TPR: variants seen among roughly 807,000 people sequenced by gnomAD.
TPR encodes the protein nucleoprotein TPR.
Under a neutral mutation model 316.1 loss-of-function variants are expected in TPR, and 51 were observed. The observed-to-expected ratio is 0.16, with a 90% confidence interval of 0.13 to 0.20. The LOEUF is 0.20. TPR is among the 10% of genes least tolerant of loss of function. The pLI is 1.00. For synonymous variants in TPR, 981 were observed against 914.7 expected (o/e 1.07, Z -1.31); for missense variants, 2,272 against 2,754.8 (o/e 0.82, Z 3.92).
At chr1:186,366,796 A>T (rs1571639520) in intron 4 of TPR, among the ~76,000 whole-genome samples, 1 of 152,054 alleles carries the variant, frequency 6.6e-6, no homozygotes, top group Non-Finnish European at 1.5e-5. Context: ...GCTAAAAAGC[A>T]CTAATATAAA....
At chr1:186,340,589 G>A (rs943090153) in intron 29 of TPR, among the ~76,000 whole-genome samples, 6 of 151,676 alleles carry the variant, frequency 4.0e-5, no homozygotes, top group African/African-American at 9.7e-5. Flanking sequence ...GTACCACCAC[G>A]CCCAGCTAAT....
At chr1:186,324,465 TAC>T (rs1657858909) in intron 42 of TPR, among the ~76,000 whole-genome samples, 1 of 152,162 alleles carries the variant, frequency 6.6e-6, no homozygotes, top group South Asian at 2.1e-4. Context: ...TTCTTCTACA[TAC>T]ACTGTAGCAA....
At position 186,356,379 on chromosome 1, in the gene TPR, G is replaced by A. The variant is rs754755566; in HGVS notation, c.1795C>T (p.His599Tyr). Residue 599 changes from histidine (H) to tyrosine (Y), a missense_variant, in exon 15 of 51, where the codon CAT (histidine) becomes TAT (tyrosine). Physicochemically the swap from His to Tyr is moderately conservative, Grantham distance 83 (BLOSUM62 2). Coordinates refer to ENST00000367478, the MANE Select transcript of TPR (RefSeq NM_003292.3). ...ATGGAATCAACAAGCTGCATTTGAT[G>A]CTGTCGTGATTTGCGGAGTTGTTCT... The part of the protein sequence containing the change: ...ELEQLRKSRQ[H>Y]QMQLVDSIVR... The A allele has an allele frequency of 3.1e-6, 5 of 1,613,904 alleles. No individual in the cohort carries two copies. In the South Asian group the frequency reaches 4.4e-5, roughly 14 times the overall value.
chr1:186,354,298 T>G lies in TPR; in HGVS notation c.2172-448A>C, dbSNP rs115005558. 7.5e-3 allele frequency among the ~76,000 whole-genome samples: 1,139 copies of G among 152,308 alleles called. 19 individuals carry two copies. The highest frequency in any genetic ancestry group is 0.025 in the African/African-American group (1,034 of 41,566). On this transcript the variant is annotated intron_variant, in intron 17 of 50. Transcript: ENST00000367478. Reference sequence around the variant, plus strand: ...CTAAGTAACTTTTTAATCTTATTTTTAAAAAATCAATTATATTTAAAGTAA... The same window carrying G: ...CTAAGTAACTTTTTAATCTTATTTTGAAAAAATCAATTATATTTAAAGTAA...
At chr1:186,329,204 CAGA>C (rs1007853487) in intron 39 of TPR, among the ~76,000 whole-genome samples, 2 of 152,072 alleles carry the variant, frequency 1.3e-5, no homozygotes, top group African/African-American at 4.8e-5. Flanking sequence ...AAAGCTTTTG[CAGA>C]AGATTTCAGT....
chr1:186,370,107 C>A (rs1558041774), intron 3 of TPR, among the ~76,000 whole-genome samples: 1 of 152,098 alleles, frequency 6.6e-6, no homozygotes, highest in Non-Finnish European at 1.5e-5. Context: ...ATTTTAATAA[C>A]CATAGCTTTA....
Position 186,312,943 on chromosome 1 carries a change from A to T in TPR, c.*1028T>A. ...CCAAGGAGGTGATATCATTTGTGAA[A>T]ACATGAAGATAAAGTAAAAATGCTG... is the stretch of plus-strand genomic sequence containing the variant. On this transcript the variant is annotated 3_prime_UTR_variant, in exon 51 of 51. Transcript: ENST00000367478. The T allele has an allele frequency of 6.4e-7, 1 of 1,567,412 alleles. No homozygotes were observed. The highest frequency in any genetic ancestry group is 8.8e-7 in the Non-Finnish European group (1 of 1,138,146).
chr1:186,371,170 T>C, intron 2 of TPR, 127 bp from the exon 3 acceptor site: 1 of 707,268 alleles, frequency 1.4e-6, no homozygotes, highest in Non-Finnish European at 2.3e-6. Flanking sequence ...GACTGCATTG[T>C]ACATCACATT....
intron 48 of TPR, 93 bp downstream of exon 48, chr1:186,318,352 AAC>A (rs1254146332): frequency 3.4e-6 from 5 of 1,482,002 alleles, no homozygotes; most frequent in Admixed American, 2.3e-5. Flanking sequence ...AAAAAAACAA[AAC>A]ACAACTTTGC....
chr1:186,340,561 A>T (rs1260369938), intron 29 of TPR, among the ~76,000 whole-genome samples: 1 of 151,944 alleles, frequency 6.6e-6, no homozygotes, highest in Non-Finnish European at 1.5e-5. Flanking sequence ...CCTCCCAAGT[A>T]GATGGGACTA....
At position 186,374,994 on chromosome 1, in the gene TPR, G is replaced by C. The variant is rs74316457; in HGVS notation, c.35C>G (p.Thr12Arg). Residue 12 changes from threonine to arginine, a missense_variant, in exon 1 of 51, where the codon ACG (threonine) becomes AGG (arginine). This residue lies in a region of TPR where 549 missense variants were observed against 598.6 expected (regional missense o/e 0.92). Coordinates refer to ENST00000367478, the MANE Select transcript of TPR (RefSeq NM_003292.3). ...AGACTTGGGCAGCTTGTTCAGCTCC[G>C]TGCGCTCCAGGACTTGCTGCAACAC... is the stretch of plus-strand genomic sequence containing the variant. ...AAVLQQVLER[T>R]ELNKLPKSVQ... 6.2e-7 allele frequency: 1 copy of C among 1,614,106 alleles called. No homozygotes were observed.
intron 45 of TPR, 42 bp downstream of exon 45, chr1:186,322,276 G>A: frequency 6.5e-7 from 1 of 1,537,298 alleles, no homozygotes; most frequent in Non-Finnish European, 8.8e-7. Context: ...AAGACTAAAA[G>A]TTTGATTAGT....
At chr1:186,340,290 G>A (rs1418941787) in intron 29 of TPR, among the ~76,000 whole-genome samples, 1 of 152,112 alleles carries the variant, frequency 6.6e-6, no homozygotes, top group Non-Finnish European at 1.5e-5. Context: ...TACATGCAAG[G>A]CAGATTTCTA....
At chr1:186,364,593 G>C (rs1220301468) in intron 4 of TPR, among the ~76,000 whole-genome samples, 1 of 152,154 alleles carries the variant, frequency 6.6e-6, no homozygotes, top group Non-Finnish European at 1.5e-5. Context: ...AAAGCAAAAG[G>C]AAGGTGACAG....
intron 9 of TPR, 56 bp downstream of exon 9, chr1:186,361,566 A>AG: frequency 6.7e-7 from 1 of 1,502,030 alleles, no homozygotes; most frequent in East Asian, 2.3e-5. Context: ...ACAAGGGTAA[A>AG]AAAAAAAAAA....
At chr1:186,361,511 T>C (rs10494586) in intron 9 of TPR, 111 bp downstream of exon 9, 583,426 of 982,376 alleles carry the variant, frequency 0.59, 175,103 homozygotes, top group East Asian at 0.67. Flanking sequence ...TACCTAATTC[T>C]GTCCCAAATA....
chr1:186,335,863 T>C (rs987907534), intron 33 of TPR, among the ~76,000 whole-genome samples: 4 of 152,156 alleles, frequency 2.6e-5, no homozygotes, highest in African/African-American at 9.7e-5. Context: ...TTGCAAAATT[T>C]TTATTTCATA....
chr1:186,370,898 TAAAC>T, intron 3 of TPR, 68 bp downstream of exon 3: 2 of 1,338,350 alleles, frequency 1.5e-6, no homozygotes, highest in Non-Finnish European at 2.1e-6. Context: ...TAATAACTGA[TAAAC>T]AATCAGAATA....
intron 39 of TPR, among the ~76,000 whole-genome samples, chr1:186,328,553 GA>G (rs938972163): frequency 6.8e-6 from 1 of 146,578 alleles, no homozygotes. Context: ...AGTCAGAAAA[GA>G]AAAAAAAAAT....
Sources: gnomAD v4.1 joint callset for allele counts (sites outside exome capture counted in the v4.1 genomes callset) on GRCh38, gnomAD v4.1.1 for gene constraint, gnomAD v4.1.1 regional missense constraint, MANE v1.5 for transcripts, NCBI Gene and HGNC (gene_info 2026-07-23, HGNC 2026-07-21) for gene names.